The following DCPS variants were observed in gnomAD, a reference collection of about 807,000 sequenced individuals.
DCPS encodes the protein decapping enzyme, scavenger, also known as m7GpppX diphosphatase.
Under a neutral mutation model 34.7 loss-of-function variants are expected in DCPS, and 27 were observed. That is an observed-to-expected ratio of 0.78 (90% CI 0.57 to 1.07). DCPS has a LOEUF of 1.07. Among genes scored for constraint, DCPS ranks in the 50% least tolerant of loss-of-function variants. The pLI, the probability that DCPS is intolerant of heterozygous loss-of-function variation, is 0.00. For missense variants in DCPS, 464 were observed against 436.9 expected, an observed-to-expected ratio of 1.06 and a Z score of -0.55; for synonymous variants, 185 against 185.7, an observed-to-expected ratio of 1.00 and a Z score of 0.03.
Position 126,322,554 on chromosome 11 carries a change from A to G in DCPS, c.377-8851A>G, listed in dbSNP as rs1046012057. ...GCTGGGATTACAGGTGTTAGCCACTATGCCCAGCCAGCATTCAGATTTTCT... is the reference window on the plus strand; with the variant it reads ...GCTGGGATTACAGGTGTTAGCCACTGTGCCCAGCCAGCATTCAGATTTTCT... On this transcript the variant is annotated intron_variant, in intron 2 of 5. Transcript: ENST00000263579. This position sits in a 1 kb window ranked among gnomAD's most constrained non-coding sequence, Gnocchi z 4.2. 2.0e-5 allele frequency among the ~76,000 whole-genome samples: 3 copies of G among 150,010 alleles called. No individual in the cohort carries two copies. The highest frequency in any genetic ancestry group is 4.9e-5 in the African/African-American group (2 of 40,752).
In DCPS at chr11:126,331,783, T is replaced by A. The variant is rs527682409; in HGVS notation, c.522+233T>A. Among the ~76,000 whole-genome samples the A allele has an allele frequency of 6.6e-6, 1 of 152,172 alleles. No individual in the cohort carries two copies. The highest frequency in any genetic ancestry group is 1.5e-5 in the Non-Finnish European group (1 of 68,042). On this transcript the variant is annotated intron_variant, in intron 3 of 5. Coordinates refer to ENST00000263579, the MANE Select transcript of DCPS (RefSeq NM_014026.6). The surrounding 1 kb of genome is among the most constrained non-coding windows in gnomAD (Gnocchi z 7.2). ...CTCAGGATCTATGTGCTCTGTGAGA[T>A]AATGAGGGCTGCAGAGAGAAATAGA...
chr11:126,333,324 A>G lies in DCPS; in HGVS notation c.522+1774A>G, dbSNP rs1053952488. ...TCATTATGTTTACTGAGTACCTACTATGGACCTGGTCCTATGCCAGGCTTT... is the reference window on the plus strand; with the variant it reads ...TCATTATGTTTACTGAGTACCTACTGTGGACCTGGTCCTATGCCAGGCTTT... On this transcript the variant is annotated intron_variant, in intron 3 of 5. Transcript: ENST00000263579. This position sits in a 1 kb window ranked among gnomAD's most constrained non-coding sequence, Gnocchi z 5.7. Among the ~76,000 whole-genome samples the G allele has an allele frequency of 6.6e-6, 1 of 152,200 alleles. No homozygotes were observed.
chr11:126,308,427 G>A (rs1410252552), intron 2 of DCPS, among the ~76,000 whole-genome samples: 2 of 152,148 alleles, frequency 1.3e-5, no homozygotes, highest in African/African-American at 4.8e-5. Context: ...TTGTCCTTTG[G>A]AAATATGTGA....
intron 2 of DCPS, among the ~76,000 whole-genome samples, chr11:126,324,825 G>T (rs899537231): frequency 6.6e-6 from 1 of 151,928 alleles, no homozygotes; most frequent in Non-Finnish European, 1.5e-5. Flanking sequence ...ACAGGGAAGT[G>T]GATTTGGGGA....
rs1432072514 is a variant in DCPS at position 126,315,571 on chromosome 11, TAAAA to T, written c.376+8829_376+8832del. ...CAAAACCCTGTCTCTTAAAAAAAAA[TAAAA>T]AGAGAAAAGAAAACCAGTAAAACCA... On this transcript the variant is annotated intron_variant, in intron 2 of 5. Coordinates refer to ENST00000263579, the MANE Select transcript of DCPS (RefSeq NM_014026.6). The surrounding 1 kb of genome is among the most constrained non-coding windows in gnomAD (Gnocchi z 6.1). Among the ~76,000 whole-genome samples, 1 of 151,586 alleles carries T rather than the reference TAAAA, an allele frequency of 6.6e-6. No individual in the cohort carries two copies. Among genetic ancestry groups the T allele is most frequent in the Non-Finnish European group, 1.5e-5 (1 of 67,948 alleles).
chr11:126,338,436 C>T lies in DCPS; in HGVS notation c.636+37C>T, dbSNP rs369224373. 10 of 1,584,522 alleles carry T rather than the reference C, an allele frequency of 6.3e-6. No individual in the cohort carries two copies. The highest frequency in any genetic ancestry group is 8.7e-6 in the Non-Finnish European group (10 of 1,153,196). On this transcript the variant is annotated intron_variant, in intron 4 of 5. Transcript: ENST00000263579. The surrounding 1 kb of genome is among the most constrained non-coding windows in gnomAD (Gnocchi z 5.4). ...TGGCTGGAATGTCCTGATCTCTGGC[C>T]ACCCTGCTGTAAGTGCTGGTCCTTC...
rs1216321634 is a variant in DCPS at position 126,327,283 on chromosome 11, T to A, written c.377-4122T>A. Among the ~76,000 whole-genome samples the A allele has an allele frequency of 6.6e-6, 1 of 152,240 alleles. No homozygotes were observed. Among genetic ancestry groups the A allele is most frequent in the African/African-American group, 2.4e-5 (1 of 41,474 alleles). Reference sequence around the variant, plus strand: ...TTATAAAGCCACTAGTTTTGTTGAATGCCCCTGGATTTTGGTTTGCTGATA... The same window carrying A: ...TTATAAAGCCACTAGTTTTGTTGAAAGCCCCTGGATTTTGGTTTGCTGATA... On this transcript the variant is annotated intron_variant, in intron 2 of 5. Transcript: ENST00000263579. This position sits in a 1 kb window ranked among gnomAD's most constrained non-coding sequence, Gnocchi z 4.1.
intron 2 of DCPS, among the ~76,000 whole-genome samples, chr11:126,309,740 C>G (rs569117799): frequency 1.5e-4 from 23 of 152,142 alleles, no homozygotes; most frequent in Non-Finnish European, 2.9e-4. Flanking sequence ...CCTTGTTTAG[C>G]TGCATAGCTT....
chr11:126,338,099 T>C lies in DCPS; in HGVS notation c.523-187T>C. The stretch of plus-strand genomic sequence containing the variant: ...GCTGGAGTGGGAAGGGGGAAGTCCC[T>C]TCTGGACCCCTAAGAACAGATGCTT... On this transcript the variant is annotated intron_variant, in intron 3 of 5. Coordinates refer to ENST00000263579, the MANE Select transcript of DCPS (RefSeq NM_014026.6). This position sits in a 1 kb window ranked among gnomAD's most constrained non-coding sequence, Gnocchi z 5.4. 1 of 600,622 alleles carries C rather than the reference T, an allele frequency of 1.7e-6. No homozygotes were observed. The highest frequency in any genetic ancestry group is 4.0e-4 in the Middle Eastern group (1 of 2,516). 37.2% of individuals were successfully genotyped at this position (600,622 alleles called of 1,614,324 possible). A position where few individuals can be genotyped will look rare whatever the true frequency, so the allele number is the denominator to read the frequency against.
At position 126,328,140 on chromosome 11, in the gene DCPS, T is replaced by C. The variant is rs1488709247; in HGVS notation, c.377-3265T>C. On this transcript the variant is annotated intron_variant, in intron 2 of 5. Coordinates refer to ENST00000263579, the MANE Select transcript of DCPS (RefSeq NM_014026.6). This position sits in a 1 kb window ranked among gnomAD's most constrained non-coding sequence, Gnocchi z 6.6. Reference sequence around the variant, plus strand: ...TGGCTGACGCGAGTTAGTGGGTCAGTGGGGAGCCGGCGCGGCTGGAGCAGA... The same window carrying C: ...TGGCTGACGCGAGTTAGTGGGTCAGCGGGGAGCCGGCGCGGCTGGAGCAGA... 6.6e-6 allele frequency among the ~76,000 whole-genome samples: 1 copy of C among 151,662 alleles called. No individual in the cohort carries two copies. The highest frequency in any genetic ancestry group is 2.4e-5 in the African/African-American group (1 of 41,278).
chr11:126,320,229 A>T lies in DCPS; in HGVS notation c.377-11176A>T, dbSNP rs1951694429. ...ACAGACTGTACTGTGAGGTCTAATC[A>T]GTGTCGGGTGTTATCTTAGGCACTG... is the stretch of plus-strand genomic sequence containing the variant. On this transcript the variant is annotated intron_variant, in intron 2 of 5. Transcript: ENST00000263579. The surrounding 1 kb of genome is among the most constrained non-coding windows in gnomAD (Gnocchi z 4.7). Among the ~76,000 whole-genome samples the T allele has an allele frequency of 6.6e-6, 1 of 152,152 alleles. No homozygotes were observed. The highest frequency in any genetic ancestry group is 2.4e-5 in the African/African-American group (1 of 41,410).
rs1206400943 is a variant in DCPS, at chr11:126,323,188, A to G, written c.377-8217A>G. ...TATTTTCAGATGTTTCAAGTCTCAA[A>G]ATATATCTTGCTTGCACCATGTCTC... is the stretch of plus-strand genomic sequence containing the variant. On this transcript the variant is annotated intron_variant, in intron 2 of 5. Transcript: ENST00000263579. The surrounding 1 kb of genome is among the most constrained non-coding windows in gnomAD (Gnocchi z 4.4). Among the ~76,000 whole-genome samples, 1 of 152,222 alleles carries G rather than the reference A, an allele frequency of 6.6e-6. No individual in the cohort carries two copies. Among genetic ancestry groups the G allele is most frequent in the Non-Finnish European group, 1.5e-5 (1 of 68,044 alleles).
At chr11:126,343,213 TG>T in intron 4 of DCPS, 93 bp from the exon 5 acceptor site, 1 of 962,784 alleles carries the variant, frequency 1.0e-6, no homozygotes, top group South Asian at 1.4e-5. Flanking sequence ...GCCTCAGGGG[TG>T]GGTGCTTCCT....
chr11:126,343,220 T>G (rs1591393276), intron 4 of DCPS, 87 bp from the exon 5 acceptor site: 18 of 1,118,362 alleles, frequency 1.6e-5, no homozygotes, highest in Non-Finnish European at 2.2e-5. Context: ...GGGTGGGTGC[T>G]TCCTGGCTTA....
rs905804648 is a variant in DCPS at position 126,344,979 on chromosome 11, G to T, written c.748-368G>T. Among the ~76,000 whole-genome samples, 1 of 152,206 alleles carries T rather than the reference G, an allele frequency of 6.6e-6. No homozygotes were observed. The highest frequency in any genetic ancestry group is 1.9e-4 in the East Asian group (1 of 5,192). Reference sequence around the variant, plus strand: ...GACTGATGAAATGCTTCTAAATCATGAAAGTCCCCATAGTCTTGGGAATCT... The same window carrying T: ...GACTGATGAAATGCTTCTAAATCATTAAAGTCCCCATAGTCTTGGGAATCT... On this transcript the variant is annotated intron_variant, in intron 5 of 5. Coordinates refer to ENST00000263579, the MANE Select transcript of DCPS (RefSeq NM_014026.6). This position sits in a 1 kb window ranked among gnomAD's most constrained non-coding sequence, Gnocchi z 8.1.
In DCPS at chr11:126,327,704, G is replaced by A. The variant is rs646775; in HGVS notation, c.377-3701G>A. 0.24 allele frequency among the ~76,000 whole-genome samples: 37,128 copies of A among 152,098 alleles called. 4,557 individuals carry two copies. The highest frequency in any genetic ancestry group is 0.26 in the Admixed American group (4,024 of 15,286). On this transcript the variant is annotated intron_variant, in intron 2 of 5. Transcript: ENST00000263579. This position sits in a 1 kb window ranked among gnomAD's most constrained non-coding sequence, Gnocchi z 4.1. The stretch of plus-strand genomic sequence containing the variant: ...TTAGGAAATATATTGATTTGTATCA[G>A]AGAGGTTTTATTTCATCTGGGACAA...
chr11:126,315,289 G>A lies in DCPS; in HGVS notation c.376+8545G>A, dbSNP rs1284728874. Among the ~76,000 whole-genome samples the A allele has an allele frequency of 6.6e-6, 1 of 152,100 alleles. No individual in the cohort carries two copies. Among genetic ancestry groups the A allele is most frequent in the African/African-American group, 2.4e-5 (1 of 41,356 alleles). On this transcript the variant is annotated intron_variant, in intron 2 of 5. Transcript: ENST00000263579. This position sits in a 1 kb window ranked among gnomAD's most constrained non-coding sequence, Gnocchi z 6.1. ...AAAGAATATTTCTGGGCTGGGTGCA[G>A]TAGCTCATGCCTGTAATTCCAGCAC...
In DCPS at chr11:126,338,079, A is replaced by C. The variant is rs1173834480; in HGVS notation, c.523-207A>C. ...TGACGCATGGCTGAGTGCCAGCTGG[A>C]GTGGGAAGGGGGAAGTCCCTTCTGG... On this transcript the variant is annotated intron_variant, in intron 3 of 5. Transcript: ENST00000263579. This position sits in a 1 kb window ranked among gnomAD's most constrained non-coding sequence, Gnocchi z 5.4. 3.5e-6 allele frequency: 2 copies of C among 576,308 alleles called. No homozygotes were observed. Among genetic ancestry groups the C allele is most frequent in the Non-Finnish European group, 6.2e-6 (2 of 321,132 alleles). The allele number at this position is 576,308 out of a possible 1,614,324, so 35.7% of individuals were successfully genotyped here. A position where few individuals can be genotyped will look rare whatever the true frequency, so the allele number is the denominator to read the frequency against.
At chr11:126,343,814 C>G (rs1345819149) in intron 5 of DCPS, among the ~76,000 whole-genome samples, 1 of 152,188 alleles carries the variant, frequency 6.6e-6, no homozygotes, top group Non-Finnish European at 1.5e-5. Flanking sequence ...ACGTGTGTCT[C>G]CTTGTCTAGA....
Sources: allele counts gnomAD v4.1 joint callset (sites outside exome capture counted in the v4.1 genomes callset), GRCh38; gene constraint gnomAD v4.1.1; non-coding constraint Gnocchi (gnomAD v3.1); transcripts MANE v1.5; gene names NCBI Gene and HGNC (gene_info 2026-07-23, HGNC 2026-07-21).